The following KANK1 variants were observed in gnomAD, a reference collection of about 807,000 sequenced individuals.
The protein encoded by KANK1 is KN motif and ankyrin repeat domains 1, also known as KN motif and ankyrin repeat domain-containing protein 1.
KANK1 carries 109 observed loss-of-function variants against 106.2 expected under a neutral mutation model. That is an observed-to-expected ratio of 1.03 (90% CI 0.88 to 1.20). The LOEUF (loss-of-function observed/expected upper bound fraction) is 1.20. Ranked by LOEUF, KANK1 falls within the 50% of genes most tolerant of loss-of-function variation. The pLI, the probability that KANK1 is intolerant of heterozygous loss-of-function variation, is 0.00. For missense variants in KANK1, 2,399 were observed against 1,710.7 expected (o/e 1.40, Z -7.10); for synonymous variants, 873 against 652.2 (o/e 1.34, Z -5.16).
intron 1 of KANK1, among the ~76,000 whole-genome samples, chr9:609,360 G>A (rs1008111706): frequency 5.3e-5 from 8 of 152,150 alleles, no homozygotes; most frequent in African/African-American, 1.7e-4. Flanking sequence ...GGGCATCGTG[G>A]CTCACGCCTG....
At chr9:656,047 G>A (rs576971970) in intron 1 of KANK1, among the ~76,000 whole-genome samples, 7 of 152,276 alleles carry the variant, frequency 4.6e-5, no homozygotes, top group Non-Finnish European at 7.3e-5. Flanking sequence ...CCAGAGCCTC[G>A]TTGCAGGAGC....
intron 1 of KANK1, among the ~76,000 whole-genome samples, chr9:559,182 C>T (rs1413393856): frequency 6.6e-6 from 1 of 151,960 alleles, no homozygotes; most frequent in African/African-American, 2.4e-5. Context: ...TGTGAGTTGT[C>T]TAGTCTGTTC....
At chr9:677,671 G>A (rs1322501157) in intron 2 of KANK1, 1 of 152,170 alleles carries the variant, frequency 6.6e-6, no homozygotes, top group African/African-American at 2.4e-5. Flanking sequence ...CGTGCCAAGT[G>A]TTCATTTCTT....
chr9:557,036 GGGCGAGTGTAGT>G (rs1371855926), intron 1 of KANK1, among the ~76,000 whole-genome samples: 2 of 152,050 alleles, frequency 1.3e-5, no homozygotes, highest in African/African-American at 4.8e-5. Context: ...ACAAATTTCT[GGGCGAGTGTAGT>G]GGCTCATGCC....
At chr9:532,983 G>C (rs1010765930) in intron 1 of KANK1, among the ~76,000 whole-genome samples, 1 of 152,144 alleles carries the variant, frequency 6.6e-6, no homozygotes, top group African/African-American at 2.4e-5. Flanking sequence ...GGCATCTCTG[G>C]CACCATGTTG....
intron 1 of KANK1, among the ~76,000 whole-genome samples, chr9:513,915 G>A (rs1018464052): frequency 1.3e-5 from 2 of 152,152 alleles, no homozygotes; most frequent in African/African-American, 4.8e-5. Flanking sequence ...TACTTGGGAG[G>A]CTGTGGCAGG....
chr9:738,915 C>T (rs1834559648), intron 8 of KANK1, among the ~76,000 whole-genome samples: 1 of 152,140 alleles, frequency 6.6e-6, no homozygotes, highest in Non-Finnish European at 1.5e-5. Context: ...CTTGATTTGA[C>T]CTTACTCCAT....
chr9:498,731 A>G (rs1554721635), intron 3 of KANK1, among the ~76,000 whole-genome samples: 5 of 152,244 alleles, frequency 3.3e-5, no homozygotes, highest in Non-Finnish European at 1.5e-5. Flanking sequence ...GTGAGATACT[A>G]CTTCATAGCC....
At chr9:615,438 T>C (rs1447668308) in intron 1 of KANK1, among the ~76,000 whole-genome samples, 4 of 152,156 alleles carry the variant, frequency 2.6e-5, no homozygotes, top group Non-Finnish European at 5.9e-5. Flanking sequence ...AAGCCTTACC[T>C]GTGATGGTTT....
At chr9:574,129 T>G (rs1427204947) in intron 1 of KANK1, among the ~76,000 whole-genome samples, 2 of 152,256 alleles carry the variant, frequency 1.3e-5, no homozygotes, top group East Asian at 3.8e-4. Context: ...ATGTGGCCTT[T>G]GTTCTCTGCC....
At chr9:528,243 G>C (rs1385057974) in intron 1 of KANK1, among the ~76,000 whole-genome samples, 4 of 151,800 alleles carry the variant, frequency 2.6e-5, no homozygotes, top group Non-Finnish European at 5.9e-5. Flanking sequence ...TCTCAAACTG[G>C]GAACTTAATG....
chr9:742,903 G>A (rs1033452699), intron 10 of KANK1, among the ~76,000 whole-genome samples: 1 of 152,192 alleles, frequency 6.6e-6, no homozygotes, highest in Non-Finnish European at 1.5e-5. Context: ...AGAGCCTGCA[G>A]AGTAGCTTGA....
At chr9:496,490 G>T (rs923675584) in intron 3 of KANK1, among the ~76,000 whole-genome samples, 5 of 152,292 alleles carry the variant, frequency 3.3e-5, no homozygotes, top group African/African-American at 1.2e-4. Flanking sequence ...TTGAGAGGTG[G>T]ACGTTGCAGT....
chr9:713,657 A>G (rs1446268657), intron 3 of KANK1, among the ~76,000 whole-genome samples, 193 bp downstream of exon 3: 1 of 151,916 alleles, frequency 6.6e-6, no homozygotes, highest in Admixed American at 6.5e-5. Context: ...ATTATCTGGT[A>G]GCCTCACTGG....
At chr9:687,055 C>G in intron 2 of KANK1, 1 of 403,898 alleles carries the variant, frequency 2.5e-6, no homozygotes, top group Non-Finnish European at 3.3e-6. Flanking sequence ...AATACTGCTG[C>G]ATTTCAATTG....
intron 1 of KANK1, among the ~76,000 whole-genome samples, chr9:627,932 G>A (rs996340655): frequency 2.7e-5 from 4 of 150,352 alleles, no homozygotes; most frequent in South Asian, 2.1e-4. Context: ...TACAGCCCCC[G>A]CTAAGTGAAA....
chr9:632,505 G>C (rs995999774), intron 1 of KANK1, among the ~76,000 whole-genome samples: 1 of 152,106 alleles, frequency 6.6e-6, no homozygotes, highest in Non-Finnish European at 1.5e-5. Context: ...TGAAGATGGA[G>C]GTTTTATGAA....
chr9:731,807 T>G (rs1739032866), intron 5 of KANK1: 2 of 154,572 alleles, frequency 1.3e-5, no homozygotes, highest in African/African-American at 4.8e-5. Flanking sequence ...GTTAAGCCCC[T>G]TTGTTGTCCT....
rs117231267 is a variant in KANK1, at chr9:705,734, G to A, written c.38-5070G>A. 0.021 allele frequency among the ~76,000 whole-genome samples: 3,225 copies of A among 151,470 alleles called. 267 individuals are homozygous for A. The East Asian group carries it at 0.25, about 12-fold the overall frequency. ...CTGCCTCAGCCTCCCAAGTAGCTGG[G>A]ATTACAGGTGCCCGCCACTATGCTT... On this transcript the variant is annotated intron_variant, in intron 2 of 11. Coordinates refer to ENST00000382297, the MANE Select transcript of KANK1 (RefSeq NM_015158.5).
Sources: gnomAD v4.1 joint callset for allele counts (sites outside exome capture counted in the v4.1 genomes callset) on GRCh38, gnomAD v4.1.1 for gene constraint, MANE v1.5 for transcripts, NCBI Gene and HGNC (gene_info 2026-07-23, HGNC 2026-07-21) for gene names.